The following UNC79 variants were observed in gnomAD, a reference collection of about 807,000 sequenced individuals.
The protein encoded by UNC79 is unc-79 subunit of NALCN channel complex, also known as protein unc-79 homolog.
UNC79 carries 37 observed loss-of-function variants against 283.1 expected under a neutral mutation model. The ratio of observed to expected loss-of-function variants is 0.13; its 90% CI spans 0.10 to 0.17. The LOEUF is 0.17. Among genes scored for constraint, UNC79 ranks in the 10% least tolerant of loss-of-function variants. The pLI, the probability that UNC79 is intolerant of heterozygous loss-of-function variation, is 1.00. For missense variants in UNC79, 2,272 were observed against 3,211.1 expected (o/e 0.71, Z 7.07); for synonymous variants, 1,107 against 1,200.2 (o/e 0.92, Z 1.61).
intron 1 of UNC79, among the ~76,000 whole-genome samples, chr14:93,423,464 C>T (rs1211447821): frequency 3.3e-5 from 5 of 152,146 alleles, no homozygotes; most frequent in South Asian, 4.1e-4. Context: ...CTTCAACTTA[C>T]ACTACAGAGC....
chr14:93,582,533 G>A (rs1285847635), intron 20 of UNC79, among the ~76,000 whole-genome samples, 189 bp downstream of exon 20: 1 of 152,152 alleles, frequency 6.6e-6, no homozygotes, highest in African/African-American at 2.4e-5. Flanking sequence ...ATAGAACCCA[G>A]TTCCCTGAGC....
chr14:93,343,124 C>T (rs934744759), intron 1 of UNC79, among the ~76,000 whole-genome samples: 1 of 152,218 alleles, frequency 6.6e-6, no homozygotes, highest in Non-Finnish European at 1.5e-5. Context: ...GTGACTTCCA[C>T]ATTTTTAGTT....
intron 7 of UNC79, among the ~76,000 whole-genome samples, chr14:93,498,328 C>G (rs560151427): frequency 3.3e-5 from 5 of 151,892 alleles, no homozygotes; most frequent in Non-Finnish European, 7.4e-5. Context: ...GTGGCTCACA[C>G]CTGTAATCCC....
At chr14:93,619,022 A>G (rs1215264625) in intron 29 of UNC79, among the ~76,000 whole-genome samples, 1 of 152,150 alleles carries the variant, frequency 6.6e-6, no homozygotes, top group Non-Finnish European at 1.5e-5. Flanking sequence ...TTTTAAATTG[A>G]CATCATTTAA....
intron 1 of UNC79, among the ~76,000 whole-genome samples, chr14:93,422,545 T>A (rs2055623153): frequency 6.6e-6 from 1 of 152,172 alleles, no homozygotes. Flanking sequence ...AACCAGTTTT[T>A]CAGGTTAACT....
chr14:93,408,652 G>A (rs7147804), intron 1 of UNC79, among the ~76,000 whole-genome samples: 9 of 152,126 alleles, frequency 5.9e-5, no homozygotes, highest in African/African-American at 1.7e-4. Context: ...TGTTTGCACC[G>A]CTGCATTCTA....
intron 2 of UNC79, among the ~76,000 whole-genome samples, chr14:93,471,961 G>GA (rs1352665458): frequency 6.6e-6 from 1 of 152,020 alleles, no homozygotes; most frequent in Non-Finnish European, 1.5e-5. Context: ...AGGTATATTT[G>GA]AAAAAATAAT....
At chr14:93,492,454 A>G (rs1326762424) in intron 5 of UNC79, among the ~76,000 whole-genome samples, 5 of 152,176 alleles carry the variant, frequency 3.3e-5, no homozygotes, top group African/African-American at 1.2e-4. Context: ...CCTGGGTTCA[A>G]GCAATTCTCC....
chr14:93,673,589 C>A, intron 41 of UNC79, 134 bp downstream of exon 44: 2 of 640,070 alleles, frequency 3.1e-6, no homozygotes, highest in Non-Finnish European at 2.5e-6. Context: ...CTTATATGGA[C>A]CATGATCTAA....
intron 5 of UNC79, among the ~76,000 whole-genome samples, chr14:93,495,079 T>A (rs2058954526): frequency 6.6e-6 from 1 of 152,180 alleles, no homozygotes; most frequent in African/African-American, 2.4e-5. Context: ...ATTCTTACTG[T>A]CCAGAACTGA....
intron 29 of UNC79, among the ~76,000 whole-genome samples, chr14:93,620,314 T>C (rs1476016943): frequency 6.6e-6 from 1 of 152,230 alleles, no homozygotes; most frequent in Non-Finnish European, 1.5e-5. Context: ...AAGTGGCTTT[T>C]CTAAGCTTTT....
At chr14:93,392,512 C>T (rs1290401150) in intron 1 of UNC79, among the ~76,000 whole-genome samples, 1 of 151,956 alleles carries the variant, frequency 6.6e-6, no homozygotes, top group Non-Finnish European at 1.5e-5. Flanking sequence ...TACAGATTTC[C>T]CCTCATATTT....
At chr14:93,368,911 C>T (rs974924935) in intron 1 of UNC79, among the ~76,000 whole-genome samples, 40 of 152,176 alleles carry the variant, frequency 2.6e-4, no homozygotes, top group African/African-American at 9.7e-4. Flanking sequence ...GAGCAGAATC[C>T]AGATTTCACC....
chr14:93,358,823 G>T (rs4900179), intron 1 of UNC79, among the ~76,000 whole-genome samples: 82,421 of 151,948 alleles, frequency 0.54, 22,924 homozygotes, highest in Admixed American at 0.65. Context: ...CAGTTGCCAG[G>T]CAAGATAATG....
At chr14:93,686,755 G>A (rs750643955) in intron 43 of UNC79, 94 bp downstream of exon 46, 52 of 1,394,576 alleles carry the variant, frequency 3.7e-5, no homozygotes, top group Non-Finnish European at 4.8e-5. Flanking sequence ...TCGCTACCTG[G>A]GGAGGCAGCC....
intron 14 of UNC79, among the ~76,000 whole-genome samples, chr14:93,550,639 G>T (rs1271035883): frequency 6.6e-6 from 1 of 151,898 alleles, no homozygotes; most frequent in African/African-American, 2.4e-5. Context: ...GAAAAACAAG[G>T]TTACAGTTGC....
chr14:93,400,956 A>T (rs2055096334), intron 1 of UNC79, among the ~76,000 whole-genome samples: 1 of 152,232 alleles, frequency 6.6e-6, no homozygotes. Flanking sequence ...TTGAGAATTC[A>T]AGTCTGGATA....
In UNC79 at chr14:93,660,520, CATATATATATATATATATATATATATAT is replaced by C. The variant is rs57703735; in HGVS notation, c.6525+1276_6525+1303del. Among the ~76,000 whole-genome samples the C allele has an allele frequency of 3.9e-3, 188 of 48,734 alleles. 6 individuals are homozygous for C. The highest frequency in any genetic ancestry group is 0.011 in the African/African-American group (145 of 13,212). 32.0% of individuals were successfully genotyped at this position (48,734 alleles called of 152,430 possible). A position where few individuals can be genotyped will look rare whatever the true frequency, so the allele number is the denominator to read the frequency against. ...TATTGACAATGTTTCAAGACAATAG[CATATATATATATATATATATATATATAT>C]ATATATATATATATATGTGTGTGTG... On this transcript the variant is annotated intron_variant, in intron 39 of 48. Transcript: ENST00000555664.
At chr14:93,361,858 G>C (rs2054234270) in intron 1 of UNC79, among the ~76,000 whole-genome samples, 1 of 152,164 alleles carries the variant, frequency 6.6e-6, no homozygotes, top group African/African-American at 2.4e-5. Context: ...TTATTTTGAG[G>C]TATGTTCCTT....
Sources: allele counts gnomAD v4.1 joint callset (sites outside exome capture counted in the v4.1 genomes callset), GRCh38; gene constraint gnomAD v4.1.1; transcripts MANE v1.5; gene names NCBI Gene and HGNC (gene_info 2026-07-23, HGNC 2026-07-21).